ABLIM1: variants seen among roughly 807,000 people sequenced by gnomAD.
ABLIM1 encodes actin-binding LIM protein 1.
ABLIM1 carries 40 observed loss-of-function variants against 107.0 expected under a neutral mutation model. The ratio of observed to expected loss-of-function variants is 0.37; its 90% CI spans 0.29 to 0.49. The LOEUF is 0.49. ABLIM1 is among the 20% of genes least tolerant of loss of function. The probability of loss-of-function intolerance (pLI) is 0.97; values close to 1 mark genes in which losing one functional copy is unlikely to be tolerated. For synonymous variants in ABLIM1, 357 were observed against 357.3 expected (o/e 1.00, Z 0.01); for missense variants, 857 against 1,008.5 (o/e 0.85, Z 2.04).
intron 1 of ABLIM1, among the ~76,000 whole-genome samples, chr10:114,753,383 G>A (rs1333833255): frequency 6.6e-6 from 1 of 152,182 alleles, no homozygotes; most frequent in Non-Finnish European, 1.5e-5. Context: ...TTTCGGCTAT[G>A]CTCTAAAAAC....
At chr10:114,684,291 T>C in exon 1 of ABLIM1, 2 of 1,613,846 alleles carry the variant, frequency 1.2e-6, no homozygotes, top group Non-Finnish European at 1.7e-6. Flanking sequence ...CGGTCTAACC[T>C]TTGTAGTCTC....
At chr10:114,459,006 G>A (rs185155977) in intron 12 of ABLIM1, among the ~76,000 whole-genome samples, 17 of 152,336 alleles carry the variant, frequency 1.1e-4, no homozygotes, top group Non-Finnish European at 1.9e-4. Flanking sequence ...AAATGAATGG[G>A]GAAGCCAGTG....
intron 1 of ABLIM1, among the ~76,000 whole-genome samples, chr10:114,748,545 A>G (rs1274620694): frequency 2.7e-5 from 4 of 150,480 alleles, no homozygotes. Flanking sequence ...ATGCATGTCC[A>G]ATAAGTTCAT....
At chr10:114,748,665 T>TTC (rs1308452378) in intron 1 of ABLIM1, among the ~76,000 whole-genome samples, 3 of 151,484 alleles carry the variant, frequency 2.0e-5, no homozygotes, top group African/African-American at 4.8e-5. Context: ...TTTTCTTTTT[T>TTC]TTTTTTTTAG....
chr10:114,770,833 T>C (rs1386785043), upstream of ABLIM1, among the ~76,000 whole-genome samples: 4 of 152,134 alleles, frequency 2.6e-5, no homozygotes, highest in African/African-American at 9.7e-5. Context: ...TTCTTTTTAA[T>C]ATTTATTTAT....
intron 6 of ABLIM1, among the ~76,000 whole-genome samples, chr10:114,516,025 G>A (rs1175006643): frequency 3.9e-5 from 6 of 152,186 alleles, no homozygotes; most frequent in Admixed American, 3.9e-4. Flanking sequence ...AATACAGCTG[G>A]TTTGAGGTGA....
At chr10:114,597,943 C>G (rs2075595530) in intron 2 of ABLIM1, among the ~76,000 whole-genome samples, 1 of 152,164 alleles carries the variant, frequency 6.6e-6, no homozygotes, top group Admixed American at 6.5e-5. Flanking sequence ...AATACAGTAG[C>G]CACTAACCAC....
intron 4 of ABLIM1, among the ~76,000 whole-genome samples, chr10:114,557,388 T>A (rs1333688): frequency 1.3e-5 from 2 of 151,934 alleles, no homozygotes; most frequent in Admixed American, 1.3e-4. Flanking sequence ...TGGCCCATAA[T>A]AGCAACAGAG....
At chr10:114,475,612 CTT>C (rs2056233197) in intron 8 of ABLIM1, among the ~76,000 whole-genome samples, 2 of 152,162 alleles carry the variant, frequency 1.3e-5, no homozygotes, top group Non-Finnish European at 2.9e-5. Flanking sequence ...AGACACTTGA[CTT>C]ATGTTAATTA....
At chr10:114,684,600 C>T in exon 1 of ABLIM1, 1 of 1,301,888 alleles carries the variant, frequency 7.7e-7, no homozygotes, top group Non-Finnish European at 9.8e-7. Flanking sequence ...CTTCTCTCGA[C>T]CCTGCCCCTA....
At chr10:114,628,068 G>C (rs1210213768) in intron 1 of ABLIM1, among the ~76,000 whole-genome samples, 1 of 152,060 alleles carries the variant, frequency 6.6e-6, no homozygotes, top group East Asian at 1.9e-4. Flanking sequence ...GTTGCAGTGA[G>C]CTGAGACAGG....
At chr10:114,778,431 C>G in the ABLIM1 span, 3 of 152,084 alleles carry the variant, frequency 2.0e-5, no homozygotes, top group African/African-American at 4.8e-5. Flanking sequence ...ATCTTTCCAT[C>G]GCGATCTTGC....
At chr10:114,453,521 G>C (rs527707963) in intron 12 of ABLIM1, 38 bp from the exon 13 acceptor site, 1 of 1,427,318 alleles carries the variant, frequency 7.0e-7, no homozygotes, top group Non-Finnish European at 9.3e-7. Flanking sequence ...AATGAGAGAA[G>C]GGAGAGAGAA....
chr10:114,473,038 G>A lies in ABLIM1; in HGVS notation c.1214C>T (p.Thr405Ile). 6.2e-7 allele frequency: 1 copy of A among 1,613,366 alleles called. No individual in the cohort carries two copies. ...IYDIERPDLI[T>I]YEPFYTSGYD... ...GCCCGAAGTGTAGAAAGGCTCATAG[G>A]TAATAAGATCTGGACGTTCAATGTC... is the stretch of plus-strand genomic sequence containing the variant. Residue 405 changes from threonine (T) to isoleucine (I), a missense_variant, in exon 10 of 23, where the codon ACC becomes ATC. Thr to Ile is a moderately conservative substitution (Grantham distance 89). Coordinates refer to ENST00000533213, the MANE Select transcript of ABLIM1 (RefSeq NM_002313.7).
At chr10:114,788,343 A>T in the ABLIM1 span, among the ~76,000 whole-genome samples, 168 of 71,948 alleles carry the variant, frequency 2.3e-3, 2 homozygotes, top group Middle Eastern at 0.03. Flanking sequence ...ATAAAAAAAA[A>T]AAAAATAAAT....
At chr10:114,614,719 A>G (rs559607273) in intron 1 of ABLIM1, among the ~76,000 whole-genome samples, 7 of 152,216 alleles carry the variant, frequency 4.6e-5, no homozygotes, top group African/African-American at 1.7e-4. Context: ...ATCCCTCACT[A>G]AAGTAAGGTG....
chr10:114,756,173 G>C (rs1467158919), intron 1 of ABLIM1, among the ~76,000 whole-genome samples: 4 of 152,010 alleles, frequency 2.6e-5, no homozygotes, highest in African/African-American at 7.2e-5. Context: ...CTCCAACATC[G>C]ATTACTGGGG....
At chr10:114,744,380 G>A (rs1384351936) in intron 1 of ABLIM1, among the ~76,000 whole-genome samples, 3 of 152,052 alleles carry the variant, frequency 2.0e-5, no homozygotes, top group Non-Finnish European at 2.9e-5. Flanking sequence ...CCAATCCACC[G>A]CAGACTGATA....
At chr10:114,675,540 C>G (rs1232803860) in intron 1 of ABLIM1, among the ~76,000 whole-genome samples, 1 of 152,200 alleles carries the variant, frequency 6.6e-6, no homozygotes, top group Non-Finnish European at 1.5e-5. Flanking sequence ...TCCATTAAAC[C>G]TCTTTCCTTT....
Sources: allele counts gnomAD v4.1 joint callset (sites outside exome capture counted in the v4.1 genomes callset), GRCh38; gene constraint gnomAD v4.1.1; transcripts MANE v1.5; gene names NCBI Gene and HGNC (gene_info 2026-07-23, HGNC 2026-07-21).